AMPH: variants seen among roughly 807,000 people sequenced by gnomAD.
AMPH encodes amphiphysin.
Under a neutral mutation model 99.1 loss-of-function variants are expected in AMPH, and 49 were observed. The ratio of observed to expected loss-of-function variants is 0.49; its 90% CI spans 0.39 to 0.63. The LOEUF (loss-of-function observed/expected upper bound fraction) is 0.63, where lower values mean the gene tolerates loss of function less well. Ranked by LOEUF, AMPH falls within the 20% of genes least tolerant of loss-of-function variation. The pLI, the probability that AMPH is intolerant of heterozygous loss-of-function variation, is 0.00. For missense variants in AMPH, 759 were observed against 863.4 expected, an observed-to-expected ratio of 0.88 and a Z score of 1.52; for synonymous variants, 314 against 317.3, an observed-to-expected ratio of 0.99 and a Z score of 0.11.
At chr7:38,509,197 T>C (rs1717415604) in intron 2 of AMPH, among the ~76,000 whole-genome samples, 1 of 152,196 alleles carries the variant, frequency 6.6e-6, no homozygotes, top group African/African-American at 2.4e-5. Context: ...CAGATATTAA[T>C]GCAGAAGATA....
intron 5 of AMPH, among the ~76,000 whole-genome samples, chr7:38,480,335 T>C (rs1788241621): frequency 6.6e-6 from 1 of 152,052 alleles, no homozygotes; most frequent in Non-Finnish European, 1.5e-5. Context: ...GGCCCCTTAC[T>C]CTCAGGGTCA....
chr7:38,581,274 A>G (rs956047145), intron 1 of AMPH, among the ~76,000 whole-genome samples: 3 of 151,554 alleles, frequency 2.0e-5, no homozygotes, highest in African/African-American at 4.8e-5. Context: ...AGGAATTGCA[A>G]TCTTAAAATG....
chr7:38,401,503 T>C (rs2128979713), intron 17 of AMPH, among the ~76,000 whole-genome samples: 1 of 152,328 alleles, frequency 6.6e-6, no homozygotes, highest in Middle Eastern at 3.4e-3. Flanking sequence ...GGAAAGTCTC[T>C]AGCACCTTAT....
intron 7 of AMPH, among the ~76,000 whole-genome samples, chr7:38,467,054 T>C (rs1426352375): frequency 6.6e-6 from 1 of 152,226 alleles, no homozygotes; most frequent in Non-Finnish European, 1.5e-5. Flanking sequence ...CCTATTCATA[T>C]GCATACAAAT....
At chr7:38,406,380 A>T (rs1204824485) in intron 17 of AMPH, among the ~76,000 whole-genome samples, 1 of 152,216 alleles carries the variant, frequency 6.6e-6, no homozygotes, top group Non-Finnish European at 1.5e-5. Context: ...GCGGAACTAA[A>T]TGAAATTGAA....
chr7:38,469,497 C>T (rs1272817356), intron 7 of AMPH, among the ~76,000 whole-genome samples: 1 of 152,172 alleles, frequency 6.6e-6, no homozygotes, highest in Non-Finnish European at 1.5e-5. Context: ...TTCCTGCAGA[C>T]CCTCTTGCAG....
At chr7:38,627,019 C>A (rs559438598) in intron 1 of AMPH, among the ~76,000 whole-genome samples, 2 of 152,144 alleles carry the variant, frequency 1.3e-5, no homozygotes, top group East Asian at 3.9e-4. Context: ...ATTTTGCCAC[C>A]CAGTGTCCAC....
chr7:38,515,850 G>C (rs1012766449), intron 2 of AMPH, among the ~76,000 whole-genome samples: 14 of 152,198 alleles, frequency 9.2e-5, no homozygotes, highest in Admixed American at 2.6e-4. Flanking sequence ...ATGGAGATGA[G>C]GAACTTATTA....
At chr7:38,619,146 C>G (rs990603013) in intron 1 of AMPH, among the ~76,000 whole-genome samples, 2 of 152,060 alleles carry the variant, frequency 1.3e-5, no homozygotes, top group Non-Finnish European at 2.9e-5. Flanking sequence ...GAGTTATGAT[C>G]GTGCCTGTAC....
chr7:38,441,856 ATAT>A (rs1562757764), intron 11 of AMPH, among the ~76,000 whole-genome samples: 5 of 113,450 alleles, frequency 4.4e-5, no homozygotes, highest in African/African-American at 1.7e-4. Context: ...TATATCATAT[ATAT>A]CATATATATC....
chr7:38,508,090 T>C (rs1789399324), intron 2 of AMPH, among the ~76,000 whole-genome samples: 1 of 152,206 alleles, frequency 6.6e-6, no homozygotes, highest in South Asian at 2.1e-4. Context: ...AAAGGAGCCA[T>C]AGTTGAGGCA....
chr7:38,522,698 T>C (rs1790013304), intron 2 of AMPH, among the ~76,000 whole-genome samples: 1 of 152,092 alleles, frequency 6.6e-6, no homozygotes, highest in Non-Finnish European at 1.5e-5. Flanking sequence ...GACAAAGAGA[T>C]GGCCCACATG....
chr7:38,562,003 A>G (rs1486502388), intron 1 of AMPH, among the ~76,000 whole-genome samples: 1 of 151,090 alleles, frequency 6.6e-6, no homozygotes, highest in Non-Finnish European at 1.5e-5. Flanking sequence ...GAGGCTGACT[A>G]AGACAGAAGA....
At chr7:38,618,138 T>C (rs889601643) in intron 1 of AMPH, among the ~76,000 whole-genome samples, 5 of 152,206 alleles carry the variant, frequency 3.3e-5, no homozygotes, top group African/African-American at 1.2e-4. Context: ...TTTTGAAATA[T>C]GCAGTAACAA....
chr7:38,548,694 T>C (rs1243613927), intron 1 of AMPH, among the ~76,000 whole-genome samples: 1 of 152,146 alleles, frequency 6.6e-6, no homozygotes, highest in African/African-American at 2.4e-5. Context: ...TTCTGGTCCA[T>C]AGTGAAATGC....
chr7:38,566,060 C>T (rs957760040), intron 1 of AMPH, among the ~76,000 whole-genome samples: 2 of 152,144 alleles, frequency 1.3e-5, no homozygotes, highest in Non-Finnish European at 2.9e-5. Flanking sequence ...AGTCCCCCAC[C>T]ACCTGCTCCT....
intron 9 of AMPH, chr7:38,463,975 T>G: frequency 9.4e-7 from 1 of 1,058,356 alleles, no homozygotes; most frequent in Non-Finnish European, 1.3e-6. Context: ...ACTGGGTCCT[T>G]TAGCGAGAAC....
chr7:38,572,386 A>G (rs1421448009), intron 1 of AMPH, among the ~76,000 whole-genome samples: 1 of 152,156 alleles, frequency 6.6e-6, no homozygotes, highest in Non-Finnish European at 1.5e-5. Flanking sequence ...AGTAGGTGCT[A>G]CCATCTAGGT....
chr7:38,620,546 CAT>C (rs200755945), intron 1 of AMPH, among the ~76,000 whole-genome samples: 1,245 of 93,428 alleles, frequency 0.013, 5 homozygotes, highest in Middle Eastern at 0.02. Flanking sequence ...TATATACATA[CAT>C]ACACACACAC....
Sources: allele counts gnomAD v4.1 joint callset (sites outside exome capture counted in the v4.1 genomes callset), GRCh38; gene constraint gnomAD v4.1.1; transcripts MANE v1.5; gene names NCBI Gene and HGNC (gene_info 2026-07-23, HGNC 2026-07-21).